Variants in FAM114A2 observed in about 807,000 individuals in gnomAD.
The protein encoded by FAM114A2 is family with sequence similarity 114 member A2.
In FAM114A2, 53 loss-of-function variants were observed where a neutral mutation model predicts 58.4. The observed-to-expected ratio is 0.91, with a 90% CI of 0.73 to 1.14. The LOEUF (loss-of-function observed/expected upper bound fraction) is 1.14. FAM114A2 is among the 50% of genes most tolerant of loss of function. FAM114A2 has a pLI of 0.00. For missense variants in FAM114A2, 601 were observed against 581.1 expected, an observed-to-expected ratio of 1.03 and a Z score of -0.35; for synonymous variants, 228 against 211.4, an observed-to-expected ratio of 1.08 and a Z score of -0.68.
rs185621778 is a variant in FAM114A2 at position 154,020,486 on chromosome 5, T to A, written c.913+5913A>T. 6.2e-3 allele frequency among the ~76,000 whole-genome samples: 942 copies of A among 152,004 alleles called. 9 individuals are homozygous for A. Among genetic ancestry groups the A allele is most frequent in the African/African-American group, 0.021 (851 of 41,450 alleles). ...TATATCACCACCAATCCCACAGAAA[T>A]ACAAACTACCATCAGAGAATACTAT... On this transcript the variant is annotated intron_variant, in intron 8 of 13. Transcript: ENST00000351797.
chr5:154,033,947 A>C, intron 3 of FAM114A2, 64 bp from the exon 4 acceptor site: 1 of 1,018,224 alleles, frequency 9.8e-7, no homozygotes, highest in Non-Finnish European at 1.5e-6. Flanking sequence ...CAAAAATCAA[A>C]CTTGAAGATT....
At chr5:154,000,150 C>G (rs1769883698) in intron 11 of FAM114A2, among the ~76,000 whole-genome samples, 1 of 152,016 alleles carries the variant, frequency 6.6e-6, no homozygotes, top group Admixed American at 6.6e-5. Context: ...AAAACATGAT[C>G]TTACGGAAAT....
chr5:154,002,736 C>T, intron 10 of FAM114A2, 111 bp downstream of exon 10: 1 of 1,091,874 alleles, frequency 9.2e-7, no homozygotes, highest in Non-Finnish European at 1.3e-6. Flanking sequence ...AATCCTAGAT[C>T]ACAAGGTTGA....
intron 8 of FAM114A2, among the ~76,000 whole-genome samples, chr5:154,016,587 G>A (rs891749670): frequency 3.1e-4 from 47 of 152,034 alleles, no homozygotes; most frequent in African/African-American, 1.0e-3. Flanking sequence ...CCACTACCAA[G>A]CCAGCAGTAC....
intron 11 of FAM114A2, among the ~76,000 whole-genome samples, chr5:153,999,857 C>A (rs1208315708): frequency 6.6e-6 from 1 of 152,022 alleles, no homozygotes; most frequent in Non-Finnish European, 1.5e-5. Context: ...GCACTATTCA[C>A]AACAGCAAAG....
At chr5:154,031,257 A>C (rs571022122) in intron 4 of FAM114A2, among the ~76,000 whole-genome samples, 2 of 136,612 alleles carry the variant, frequency 1.5e-5, no homozygotes, top group Non-Finnish European at 3.0e-5. Context: ...GGCTGCAGTG[A>C]GCTGAGATCG....
chr5:154,034,475 A>G (rs1772412720), intron 2 of FAM114A2, 98 bp from the exon 3 acceptor site: 1 of 723,640 alleles, frequency 1.4e-6, no homozygotes, highest in Admixed American at 2.8e-5. Context: ...TATTAGCCAA[A>G]AGCATGGGTG....
At chr5:154,037,792 C>G (rs1003192877) in intron 1 of FAM114A2, among the ~76,000 whole-genome samples, 1 of 152,100 alleles carries the variant, frequency 6.6e-6, no homozygotes, top group African/African-American at 2.4e-5. Context: ...CTCAAGCAAT[C>G]TTCCCCTGCC....
At chr5:154,034,592 T>C in intron 2 of FAM114A2, 152 bp downstream of exon 2, 2 of 677,692 alleles carry the variant, frequency 3.0e-6, no homozygotes, top group South Asian at 3.7e-5. Context: ...TAAAGGCATT[T>C]ATAGAACTGA....
At chr5:154,032,665 TG>T (rs1772280153) in intron 4 of FAM114A2, among the ~76,000 whole-genome samples, 1 of 152,130 alleles carries the variant, frequency 6.6e-6, no homozygotes, top group South Asian at 2.1e-4. Context: ...GAGGGATGCA[TG>T]AGGAAAAATG....
chr5:154,002,999 A>G (rs1284391980), intron 9 of FAM114A2, 30 bp from the exon 10 acceptor site: 1 of 1,610,524 alleles, frequency 6.2e-7, no homozygotes, highest in African/African-American at 1.3e-5. Context: ...GCCATCAACA[A>G]TTCAATTCAG....
At position 154,002,761 on chromosome 5, in the gene FAM114A2, G is replaced by A. The variant is rs1770072927; in HGVS notation, c.1116+86C>T. 5.2e-6 allele frequency: 7 copies of A among 1,337,648 alleles called. No homozygotes were observed. In the East Asian group the frequency reaches 1.4e-4, roughly 26 times the overall value. 82.9% of individuals were successfully genotyped at this position (1,337,648 alleles called of 1,614,324 possible). A position where few individuals can be genotyped will look rare whatever the true frequency, so the allele number is the denominator to read the frequency against. On this transcript the variant is annotated intron_variant, in intron 10 of 13. Coordinates refer to ENST00000351797, the MANE Select transcript of FAM114A2 (RefSeq NM_018691.4). Reference sequence around the variant, plus strand: ...CACAAGGTTGAAATTACGGACAGCAGTGTAAAAATAGGAGCCTGGGTCCCT... The same window carrying A: ...CACAAGGTTGAAATTACGGACAGCAATGTAAAAATAGGAGCCTGGGTCCCT...
Position 154,032,706 on chromosome 5 carries a change from T to A in FAM114A2, c.403+1085A>T, listed in dbSNP as rs1772281657. On this transcript the variant is annotated intron_variant, in intron 4 of 13. Transcript: ENST00000351797. The stretch of plus-strand genomic sequence containing the variant: ...TTCCCATCTACTTCATTCCTGACTT[T>A]GAGCATGGTTATTTTAGAACACTAT... Among the ~76,000 whole-genome samples, 4 of 152,202 alleles carry A rather than the reference T, an allele frequency of 2.6e-5. No individual in the cohort carries two copies. The South Asian group carries it at 6.2e-4, about 24-fold the overall frequency.
chr5:154,023,250 C>G (rs972891175), intron 8 of FAM114A2, among the ~76,000 whole-genome samples: 4 of 152,018 alleles, frequency 2.6e-5, no homozygotes, highest in African/African-American at 7.2e-5. Flanking sequence ...CAGGCCTGCA[C>G]GTTGTGCACA....
At chr5:154,030,787 G>A (rs571432944) in intron 4 of FAM114A2, among the ~76,000 whole-genome samples, 31 of 152,278 alleles carry the variant, frequency 2.0e-4, no homozygotes, top group African/African-American at 7.2e-4. Context: ...CTGAGGCACT[G>A]GGAGGCTCCA....
chr5:154,018,199 T>A (rs1771172212), intron 8 of FAM114A2, among the ~76,000 whole-genome samples: 1 of 152,122 alleles, frequency 6.6e-6, no homozygotes, highest in African/African-American at 2.4e-5. Context: ...AAAATCCAAA[T>A]AATCTCAATT....
chr5:154,034,821 G>A lies in FAM114A2; in HGVS notation c.133C>T (p.Pro45Ser). Residue 45 changes from proline to serine, a missense_variant, in exon 2 of 14, where the codon CCT becomes TCT. Transcript: ENST00000351797. ...GGTCTTTTCCGAGTGGAAACTACAGGTTCTGATTTACTCTCTGGTTTGGCA... is the reference window on the plus strand; with the variant it reads ...GGTCTTTTCCGAGTGGAAACTACAGATTCTGATTTACTCTCTGGTTTGGCA... ...QGAKPESKSE[P>S]VVSTRKRPET... The A allele has an allele frequency of 1.2e-6, 2 of 1,613,990 alleles. No individual in the cohort carries two copies. The highest frequency in any genetic ancestry group is 1.7e-6 in the Non-Finnish European group (2 of 1,179,916).
chr5:154,029,392 T>C, intron 5 of FAM114A2, 97 bp downstream of exon 5: 1 of 721,284 alleles, frequency 1.4e-6, no homozygotes, highest in Admixed American at 2.4e-5. Context: ...TTAAAAGTAA[T>C]CAGTCCACAT....
chr5:154,020,172 AC>A (rs1423289104), intron 8 of FAM114A2, among the ~76,000 whole-genome samples: 1 of 152,206 alleles, frequency 6.6e-6, no homozygotes, highest in Non-Finnish European at 1.5e-5. Flanking sequence ...CATTTATAGC[AC>A]TAAATGCCCA....
Sources: gnomAD v4.1 joint callset for allele counts (sites outside exome capture counted in the v4.1 genomes callset) on GRCh38, gnomAD v4.1.1 for gene constraint, MANE v1.5 for transcripts, NCBI Gene and HGNC (gene_info 2026-07-23, HGNC 2026-07-21) for gene names.